Variants in NIPAL3 observed in about 807,000 individuals in gnomAD.
NIPAL3 encodes the protein NIPA-like protein 3.
In NIPAL3, 41 loss-of-function variants were observed where a neutral mutation model predicts 47.2. The observed-to-expected ratio is 0.87, with a 90% CI of 0.68 to 1.13. The LOEUF is 1.13. NIPAL3 is among the 50% of genes most tolerant of loss of function. The pLI is 0.00. For synonymous variants in NIPAL3, 194 were observed against 209.6 expected, an observed-to-expected ratio of 0.93 and a Z score of 0.64; for missense variants, 449 against 530.1, an observed-to-expected ratio of 0.85 and a Z score of 1.50.
chr1:24,417,125 A>G (rs1357927138), intron 1 of NIPAL3, among the ~76,000 whole-genome samples: 1 of 152,210 alleles, frequency 6.6e-6, no homozygotes, highest in African/African-American at 2.4e-5. Flanking sequence ...AAGGGGCCAC[A>G]GTGCACCCAG....
In NIPAL3 at chr1:24,415,837, G is replaced by T; in HGVS notation, c.-325G>T. On this transcript the variant is annotated 5_prime_UTR_variant, in exon 1 of 12. Coordinates refer to ENST00000374399, the MANE Select transcript of NIPAL3 (RefSeq NM_020448.5). ...GGGATGAAGGAGGCTGTGCCTCCGG[G>T]TTGCACGAAGAGTCCGAGTCATTTC... is the stretch of plus-strand genomic sequence containing the variant. 2 of 985,502 alleles carry T rather than the reference G, an allele frequency of 2.0e-6. No homozygotes were observed. The highest frequency in any genetic ancestry group is 2.4e-6 in the Non-Finnish European group (2 of 829,968). 61.0% of individuals were successfully genotyped at this position (985,502 alleles called of 1,614,324 possible).
intron 2 of NIPAL3, among the ~76,000 whole-genome samples, chr1:24,426,961 A>G (rs1447295222): frequency 1.3e-5 from 2 of 152,212 alleles, no homozygotes; most frequent in Admixed American, 6.5e-5. Context: ...CTTAAGGGAC[A>G]AAGTCACTGA....
intron 1 of NIPAL3, among the ~76,000 whole-genome samples, chr1:24,418,784 A>G (rs1251280822): frequency 6.6e-6 from 1 of 152,062 alleles, no homozygotes; most frequent in Non-Finnish European, 1.5e-5. Context: ...CTCCGAGACC[A>G]GTGTCACCTC....
intron 5 of NIPAL3, 38 bp downstream of exon 5, chr1:24,445,282 A>G (rs758802459): frequency 3.5e-6 from 5 of 1,415,088 alleles, no homozygotes; most frequent in South Asian, 2.3e-5. Flanking sequence ...TTGATTTTAT[A>G]TGAACGCTTT....
chr1:24,464,284 TG>T, intron 11 of NIPAL3, 164 bp downstream of exon 11: 1 of 478,096 alleles, frequency 2.1e-6, no homozygotes. Flanking sequence ...GGGTAGGCAA[TG>T]GCTGAGGCAC....
intron 7 of NIPAL3, among the ~76,000 whole-genome samples, chr1:24,455,573 A>G (rs568687520): frequency 6.6e-6 from 1 of 152,254 alleles, no homozygotes; most frequent in South Asian, 2.1e-4. Flanking sequence ...AATCCCAGCT[A>G]TTAGGGAGGC....
upstream of NIPAL3, chr1:24,413,879 C>T (rs1199475379): frequency 1.3e-5 from 2 of 152,142 alleles, no homozygotes; most frequent in South Asian, 2.1e-4. Context: ...AATTTTAGGG[C>T]TTAGGTTAAT....
intron 8 of NIPAL3, 40 bp from the exon 9 acceptor site, chr1:24,458,848 G>A (rs768101308): frequency 1.2e-5 from 18 of 1,515,654 alleles, no homozygotes; most frequent in Middle Eastern, 1.7e-4. Context: ...CCTTTCCAAC[G>A]TCTCCACAGC....
chr1:24,438,697 T>C (rs1645239020), intron 2 of NIPAL3, among the ~76,000 whole-genome samples: 1 of 152,210 alleles, frequency 6.6e-6, no homozygotes. Context: ...TCTTGTTAAC[T>C]GCCGATTCCC....
Position 24,436,875 on chromosome 1 carries a change from C to A in NIPAL3, c.94-3297C>A, listed in dbSNP as rs140671816. ...AGAATAGGGAAAAGTACATCTACTC[C>A]ATCTTCCCAGAAGCAGATGTTCTAT... On this transcript the variant is annotated intron_variant, in intron 2 of 11. Coordinates refer to ENST00000374399, the MANE Select transcript of NIPAL3 (RefSeq NM_020448.5). 3.4e-3 allele frequency among the ~76,000 whole-genome samples: 523 copies of A among 152,244 alleles called. 3 individuals carry two copies. Among genetic ancestry groups the A allele is most frequent in the Non-Finnish European group, 5.3e-3 (360 of 68,014 alleles).
chr1:24,419,715 C>T (rs12125143), intron 2 of NIPAL3, 75 bp downstream of exon 2: 336,901 of 1,301,826 alleles, frequency 0.26, 45,573 homozygotes, highest in East Asian at 0.45. Flanking sequence ...CATTGGCTAA[C>T]AGATATGTAT....
In NIPAL3 at chr1:24,449,458, G is replaced by T. The variant is rs369474625; in HGVS notation, c.395-23G>T. On this transcript the variant is annotated intron_variant, in intron 5 of 11. Transcript: ENST00000374399. The surrounding 1 kb of genome is among the most constrained non-coding windows in gnomAD (Gnocchi z 4.5). Reference sequence around the variant, plus strand: ...TTGGGCCTGTTGTTGCAATGAGTCCGTGACAGCCTCTCTTCCCCGCAGGGC... The same window carrying T: ...TTGGGCCTGTTGTTGCAATGAGTCCTTGACAGCCTCTCTTCCCCGCAGGGC... 1 of 1,611,880 alleles carries T rather than the reference G, an allele frequency of 6.2e-7. No homozygotes were observed. The highest frequency in any genetic ancestry group is 8.5e-7 in the Non-Finnish European group (1 of 1,179,712).
intron 7 of NIPAL3, 58 bp downstream of exon 7, chr1:24,453,562 T>C (rs1187752925): frequency 9.4e-6 from 13 of 1,380,690 alleles, no homozygotes; most frequent in Admixed American, 7.7e-5. Context: ...CAAATGGAAA[T>C]GTGGGTTTTG....
At chr1:24,428,237 C>T (rs943665643) in intron 2 of NIPAL3, among the ~76,000 whole-genome samples, 61 of 105,420 alleles carry the variant, frequency 5.8e-4, no homozygotes, top group African/African-American at 1.4e-3. Context: ...GCTGACAGAG[C>T]GAGACCCTGT....
chr1:24,438,659 C>T (rs1645237472), intron 2 of NIPAL3, among the ~76,000 whole-genome samples: 1 of 152,228 alleles, frequency 6.6e-6, no homozygotes, highest in South Asian at 2.1e-4. Flanking sequence ...TCCAGATGGA[C>T]TGAACATATG....
intron 2 of NIPAL3, chr1:24,433,053 A>G (rs1415660267): frequency 6.6e-6 from 1 of 152,264 alleles, no homozygotes; most frequent in African/African-American, 2.4e-5. Context: ...GACTTGTGCT[A>G]GGAATCGTGC....
intron 2 of NIPAL3, among the ~76,000 whole-genome samples, chr1:24,437,445 A>G (rs912685249): frequency 2.0e-5 from 3 of 152,230 alleles, no homozygotes; most frequent in Admixed American, 6.5e-5. Context: ...AACCTCGCTC[A>G]TGTTTATGAG....
chr1:24,439,324 C>T (rs1251272935), intron 2 of NIPAL3, among the ~76,000 whole-genome samples: 1 of 152,032 alleles, frequency 6.6e-6, no homozygotes. Context: ...TTAGGTATGC[C>T]TGACAGGGAA....
rs559425146 is a variant in NIPAL3 at position 24,442,290 on chromosome 1, G to A, written c.334+64G>A. Reference sequence around the variant, plus strand: ...CCAGCTGCGTGACCAGAGTGCCAGCGCCAGGATCAAAGGTGCCCATTGAAC... The same window carrying A: ...CCAGCTGCGTGACCAGAGTGCCAGCACCAGGATCAAAGGTGCCCATTGAAC... On this transcript the variant is annotated intron_variant, in intron 4 of 11. Transcript: ENST00000374399. 8.9e-5 allele frequency: 139 copies of A among 1,554,596 alleles called. 1 individual carries two copies. In the South Asian group the frequency reaches 1.2e-3, roughly 13 times the overall value.
Sources: gnomAD v4.1 joint callset for allele counts (sites outside exome capture counted in the v4.1 genomes callset) on GRCh38, gnomAD v4.1.1 for gene constraint, Gnocchi (gnomAD v3.1) non-coding constraint, MANE v1.5 for transcripts, NCBI Gene and HGNC (gene_info 2026-07-23, HGNC 2026-07-21) for gene names.